The following OR9Q1 variants were observed in gnomAD, a reference collection of about 807,000 sequenced individuals.
OR9Q1 encodes the protein olfactory receptor family 9 subfamily Q member 1.
For synonymous variants in OR9Q1, 153 were observed against 148.6 expected, an observed-to-expected ratio of 1.03 and a Z score of -0.22; for missense variants, 374 against 378.8, an observed-to-expected ratio of 0.99 and a Z score of 0.11.
Position 58,148,140 on chromosome 11 carries a change from G to A in OR9Q1, c.-14-31291G>A, listed in dbSNP as rs560298052. Among the ~76,000 whole-genome samples the A allele has an allele frequency of 6.8e-4, 103 of 152,194 alleles. 2 individuals carry two copies. The highest frequency in any genetic ancestry group is 5.4e-3 in the South Asian group (26 of 4,814). On this transcript the variant is annotated intron_variant, in intron 2 of 2. Transcript: ENST00000335397. ...TACTATGTTCTTGATCACTTAGAGC[G>A]ACACCAAAACTTTAATTATGGATTT...
chr11:58,168,147 T>G (rs929347237), intron 2 of OR9Q1, among the ~76,000 whole-genome samples: 1 of 152,202 alleles, frequency 6.6e-6, no homozygotes, highest in African/African-American at 2.4e-5. Flanking sequence ...CCATCCAGAT[T>G]TGTCAAATCT....
intron 2 of OR9Q1, among the ~76,000 whole-genome samples, chr11:58,103,185 AC>A (rs1161045307): frequency 1.3e-5 from 2 of 152,164 alleles, no homozygotes; most frequent in Non-Finnish European, 2.9e-5. Flanking sequence ...GGAAGAAAAC[AC>A]GTCCTGCTTC....
At chr11:58,084,839 T>C (rs543842995) in intron 2 of OR9Q1, among the ~76,000 whole-genome samples, 8 of 151,880 alleles carry the variant, frequency 5.3e-5, no homozygotes, top group African/African-American at 1.7e-4. Context: ...AACATCACAC[T>C]GAATGGGAAA....
intron 2 of OR9Q1, among the ~76,000 whole-genome samples, chr11:58,069,577 C>T (rs1853466333): frequency 6.6e-6 from 1 of 152,150 alleles, no homozygotes; most frequent in South Asian, 2.1e-4. Context: ...AAGGGCTATA[C>T]AAACTTTCTC....
At chr11:58,031,042 C>G (rs1430979358) in intron 1 of OR9Q1, 4 of 1,614,058 alleles carry the variant, frequency 2.5e-6, no homozygotes, top group Non-Finnish European at 3.4e-6. Context: ...TCCTCTTCTT[C>G]ATACTCTTCC....
chr11:58,118,758 C>T, intron 2 of OR9Q1: 1 of 1,614,084 alleles, frequency 6.2e-7, no homozygotes, highest in Non-Finnish European at 8.5e-7. Context: ...CACCTGAAGA[C>T]TTCACTTTCA....
chr11:58,043,934 A>G (rs1383860995), intron 1 of OR9Q1, among the ~76,000 whole-genome samples: 1 of 152,088 alleles, frequency 6.6e-6, no homozygotes, highest in African/African-American at 2.4e-5. Context: ...TGTTGTTGGT[A>G]CCCTTGCACC....
At chr11:58,133,793 G>A (rs1002030868) in intron 2 of OR9Q1, among the ~76,000 whole-genome samples, 5 of 152,180 alleles carry the variant, frequency 3.3e-5, no homozygotes, top group Non-Finnish European at 7.3e-5. Context: ...CGCCATTGAC[G>A]TTATAGAGAG....
At chr11:58,138,532 A>G (rs1172620196) in intron 2 of OR9Q1, among the ~76,000 whole-genome samples, 1 of 152,224 alleles carries the variant, frequency 6.6e-6, no homozygotes, top group Non-Finnish European at 1.5e-5. Context: ...CAAAAGTAAC[A>G]TCTGAATGTT....
chr11:58,159,608 AG>A (rs1854439397), intron 2 of OR9Q1, among the ~76,000 whole-genome samples: 1 of 152,244 alleles, frequency 6.6e-6, no homozygotes, highest in Admixed American at 6.5e-5. Flanking sequence ...TTGGCAGCAC[AG>A]GGAAAGAATA....
chr11:58,153,363 G>A (rs1854372567), intron 2 of OR9Q1, among the ~76,000 whole-genome samples: 1 of 152,162 alleles, frequency 6.6e-6, no homozygotes, highest in Non-Finnish European at 1.5e-5. Context: ...GAGTTGGTGA[G>A]TTCCCTTTCC....
At chr11:58,068,844 T>G (rs1853459421) in intron 2 of OR9Q1, among the ~76,000 whole-genome samples, 1 of 152,090 alleles carries the variant, frequency 6.6e-6, no homozygotes, top group South Asian at 2.1e-4. Context: ...GCAGGGACTA[T>G]ACACTGGTTG....
In OR9Q1 at chr11:58,055,889, A is replaced by G. The variant is rs1335862058; in HGVS notation, c.-73A>G. 6.6e-6 allele frequency: 1 copy of G among 152,082 alleles called. No individual in the cohort carries two copies. The allele number at this position is 152,082 out of a possible 1,614,324, so 9.4% of individuals were successfully genotyped here. ...CTTCAGCCATGTAAGCACCAAGAAG[A>G]CCCTTACCAGACACTGCATGCTGGT... On this transcript the variant is annotated 5_prime_UTR_variant, in exon 2 of 3. Transcript: ENST00000335397.
chr11:58,097,671 G>A (rs1485695012), intron 2 of OR9Q1, among the ~76,000 whole-genome samples: 1 of 152,160 alleles, frequency 6.6e-6, no homozygotes, highest in South Asian at 2.1e-4. Context: ...GTTCATAGCA[G>A]CCATGTTTGT....
chr11:58,030,100 C>T (rs1373347018), intron 1 of OR9Q1, among the ~76,000 whole-genome samples: 1 of 152,146 alleles, frequency 6.6e-6, no homozygotes, highest in East Asian at 1.9e-4. Context: ...CCTTAGACTC[C>T]CAAAGTGCTG....
chr11:58,054,795 G>A (rs544780118), intron 1 of OR9Q1, among the ~76,000 whole-genome samples: 5 of 152,236 alleles, frequency 3.3e-5, no homozygotes, highest in South Asian at 2.1e-4. Flanking sequence ...ATGGTGGTGC[G>A]TGCCTGAAGT....
intron 2 of OR9Q1, among the ~76,000 whole-genome samples, chr11:58,158,265 C>T (rs1405036492): frequency 1.3e-5 from 2 of 152,176 alleles, no homozygotes; most frequent in Non-Finnish European, 1.5e-5. Flanking sequence ...TTCAAGTTCT[C>T]ACCACCAGAC....
rs188762260 is a variant in OR9Q1, at chr11:58,104,612, G to A, written c.-15+48665G>A. ...TTTTGGAATGTTAATAATTGTAACC[G>A]CAGATAATCTCTAGGAGAGTCAGTA... On this transcript the variant is annotated intron_variant, in intron 2 of 2. Coordinates refer to ENST00000335397, the MANE Select transcript of OR9Q1 (RefSeq NM_001005212.4). Among the ~76,000 whole-genome samples the A allele has an allele frequency of 7.3e-4, 111 of 152,198 alleles. 1 individual carries two copies. The East Asian group carries it at 0.012, about 16-fold the overall frequency.
intron 1 of OR9Q1, among the ~76,000 whole-genome samples, chr11:58,026,234 C>G (rs1269029786): frequency 6.6e-6 from 1 of 152,210 alleles, no homozygotes; most frequent in Non-Finnish European, 1.5e-5. Context: ...GAGGAACTGG[C>G]AGGCATAGAA....
Sources: allele counts gnomAD v4.1 joint callset (sites outside exome capture counted in the v4.1 genomes callset), GRCh38; gene constraint gnomAD v4.1.1; transcripts MANE v1.5; gene names NCBI Gene and HGNC (gene_info 2026-07-23, HGNC 2026-07-21).